EBF1: variants seen among roughly 807,000 people sequenced by gnomAD.
EBF1 encodes EBF transcription factor 1, also known as transcription factor COE1.
In EBF1, 10 loss-of-function variants were observed where a neutral mutation model predicts 68.4. That is an observed-to-expected ratio of 0.15 (90% CI 0.09 to 0.25). The LOEUF is 0.25. Ranked by LOEUF, EBF1 falls within the 10% of genes least tolerant of loss-of-function variation. EBF1 has a pLI of 1.00. For missense variants in EBF1, 509 were observed against 794.4 expected (o/e 0.64, Z 4.32); for synonymous variants, 298 against 299.8 (o/e 0.99, Z 0.06).
At chr5:159,028,140 T>A (rs996762377) in intron 6 of EBF1, among the ~76,000 whole-genome samples, 3 of 152,114 alleles carry the variant, frequency 2.0e-5, no homozygotes, top group African/African-American at 7.2e-5. Flanking sequence ...TGAAAGAGCA[T>A]CCTCCTCATT....
At chr5:158,746,892 G>T (rs1435617427) in intron 10 of EBF1, among the ~76,000 whole-genome samples, 1 of 152,054 alleles carries the variant, frequency 6.6e-6, no homozygotes, top group African/African-American at 2.4e-5. Flanking sequence ...TGATTATATT[G>T]GGACAATAGG....
chr5:158,841,007 G>A (rs1562088265), intron 6 of EBF1, among the ~76,000 whole-genome samples: 1 of 152,134 alleles, frequency 6.6e-6, no homozygotes, highest in Non-Finnish European at 1.5e-5. Context: ...GTAGACAAGA[G>A]CTAGCTGTGA....
intron 10 of EBF1, among the ~76,000 whole-genome samples, chr5:158,738,584 T>C (rs1433731451): frequency 6.6e-6 from 1 of 152,200 alleles, no homozygotes; most frequent in Non-Finnish European, 1.5e-5. Context: ...CTTTTTCCAG[T>C]AATAACAAAG....
chr5:158,923,931 A>G (rs1363502657), intron 6 of EBF1, among the ~76,000 whole-genome samples: 1 of 152,222 alleles, frequency 6.6e-6, no homozygotes, highest in African/African-American at 2.4e-5. Context: ...TTTTGGGTAC[A>G]GCAACATTTT....
intron 6 of EBF1, among the ~76,000 whole-genome samples, chr5:158,972,715 T>G (rs1036331243): frequency 6.6e-6 from 1 of 152,192 alleles, no homozygotes; most frequent in Non-Finnish European, 1.5e-5. Context: ...TCACTCAGAG[T>G]AAAAGCCCAG....
intron 6 of EBF1, among the ~76,000 whole-genome samples, chr5:158,853,554 T>C (rs1413807771): frequency 6.6e-6 from 1 of 152,118 alleles, no homozygotes; most frequent in Non-Finnish European, 1.5e-5. Context: ...TGAGCTTTCA[T>C]AGGTGGGGAG....
intron 5 of EBF1, 190 bp from the exon 6 acceptor site, chr5:159,073,654 T>C: frequency 1.7e-6 from 1 of 574,434 alleles, no homozygotes; most frequent in Non-Finnish European, 3.1e-6. Context: ...AGGCTTAACC[T>C]CTCCCTGCTC....
chr5:158,732,747 T>TTTTTATTAGAAAGATTTTTAAG (rs1764373354), intron 10 of EBF1, among the ~76,000 whole-genome samples: 1 of 152,202 alleles, frequency 6.6e-6, no homozygotes, highest in Non-Finnish European at 1.5e-5. Flanking sequence ...TAGAGTGAAC[T>TTTTTATTAGAAAGATTTTTAAG]TTAGGTAACT....
intron 3 of EBF1, among the ~76,000 whole-genome samples, chr5:159,095,985 G>A (rs1173800801): frequency 6.6e-6 from 1 of 152,192 alleles, no homozygotes; most frequent in Non-Finnish European, 1.5e-5. Context: ...CTCTGCTCTC[G>A]CACACAGCCT....
intron 6 of EBF1, among the ~76,000 whole-genome samples, chr5:158,853,678 AAG>A (rs1331264283): frequency 6.6e-6 from 1 of 152,158 alleles, no homozygotes; most frequent in African/African-American, 2.4e-5. Flanking sequence ...TCAAAAATGT[AAG>A]AGAGAGAATA....
intron 6 of EBF1, among the ~76,000 whole-genome samples, chr5:158,937,223 T>C (rs904389520): frequency 6.6e-6 from 1 of 152,114 alleles, no homozygotes; most frequent in Non-Finnish European, 1.5e-5. Flanking sequence ...ATCAGCTCCG[T>C]CTTTCAAAGA....
chr5:158,960,284 TTAAA>T (rs1202931634), intron 6 of EBF1, among the ~76,000 whole-genome samples: 1 of 152,238 alleles, frequency 6.6e-6, no homozygotes, highest in Non-Finnish European at 1.5e-5. Flanking sequence ...AAATTGCCAC[TTAAA>T]TAAATGTTAT....
intron 6 of EBF1, among the ~76,000 whole-genome samples, chr5:158,936,068 C>A (rs916586915): frequency 2.6e-4 from 39 of 152,122 alleles, no homozygotes; most frequent in African/African-American, 7.7e-4. Context: ...CCAAAGCAAC[C>A]AATGAAATGA....
At chr5:159,002,931 G>A (rs532695651) in intron 6 of EBF1, among the ~76,000 whole-genome samples, 13 of 152,114 alleles carry the variant, frequency 8.5e-5, no homozygotes, top group Admixed American at 6.5e-4. Flanking sequence ...GATTAAAATC[G>A]GTGCACATCA....
intron 6 of EBF1, among the ~76,000 whole-genome samples, chr5:158,903,602 TAAAAA>T (rs896775890): frequency 1.3e-5 from 2 of 148,388 alleles, no homozygotes; most frequent in Admixed American, 6.7e-5. Context: ...CTTTTTCACT[TAAAAA>T]AAAAACGCAG....
At chr5:159,065,679 G>A (rs1437255072) in intron 6 of EBF1, among the ~76,000 whole-genome samples, 2 of 151,454 alleles carry the variant, frequency 1.3e-5, no homozygotes, top group African/African-American at 4.9e-5. Flanking sequence ...ACCTTTACAT[G>A]AACCAAAATT....
At chr5:158,987,142 T>G (rs1297485271) in intron 6 of EBF1, 1 of 152,222 alleles carries the variant, frequency 6.6e-6, no homozygotes, top group Non-Finnish European at 1.5e-5. Context: ...AAAGTAGACA[T>G]GTATTCATTA....
At chr5:158,745,695 G>A (rs1767412613) in intron 10 of EBF1, among the ~76,000 whole-genome samples, 1 of 152,208 alleles carries the variant, frequency 6.6e-6, no homozygotes, top group South Asian at 2.1e-4. Flanking sequence ...TTGCCATGTG[G>A]ATATAATTTG....
intron 6 of EBF1, among the ~76,000 whole-genome samples, chr5:158,845,100 C>T (rs921702273): frequency 2.0e-5 from 3 of 152,090 alleles, no homozygotes; most frequent in South Asian, 4.1e-4. Context: ...TAGTGCCCGG[C>T]GTAAGACCTA....
Sources: allele counts gnomAD v4.1 joint callset (sites outside exome capture counted in the v4.1 genomes callset), GRCh38; gene constraint gnomAD v4.1.1; transcripts MANE v1.5; gene names NCBI Gene and HGNC (gene_info 2026-07-23, HGNC 2026-07-21).